The following AMMECR1 variants were observed in gnomAD, a reference collection of about 807,000 sequenced individuals.
AMMECR1 encodes AMMECR nuclear protein 1.
AMMECR1 carries 3 observed loss-of-function variants against 22.5 expected under a neutral mutation model. The observed-to-expected ratio is 0.13, with a 90% CI of 0.06 to 0.35. The LOEUF is 0.35. Ranked by LOEUF, AMMECR1 falls within the 10% of genes least tolerant of loss-of-function variation. The probability of loss-of-function intolerance (pLI) is 1.00; values close to 1 mark genes in which losing one functional copy is unlikely to be tolerated. For synonymous variants in AMMECR1, 130 were observed against 116.7 expected, an observed-to-expected ratio of 1.11 and a Z score of -0.74; for missense variants, 235 against 278.7, an observed-to-expected ratio of 0.84 and a Z score of 1.12.
chrX:110,301,939 G>A (rs1360131794), intron 1 of AMMECR1, among the ~76,000 whole-genome samples: 10 of 111,602 alleles, frequency 9.0e-5, no homozygotes, highest in Non-Finnish European at 1.9e-4. Flanking sequence ...AAAGAAGAAA[G>A]AAATAGTGCC....
intron 2 of AMMECR1, among the ~76,000 whole-genome samples, chrX:110,343,337 G>A (rs2068173101): frequency 9.0e-6 from 1 of 111,390 alleles, no homozygotes; most frequent in African/African-American, 3.3e-5. Context: ...TGGATGGGAC[G>A]TATCTCAAAA....
At chrX:110,410,692 A>G (rs1337677370) in intron 2 of AMMECR1, among the ~76,000 whole-genome samples, 2 of 111,730 alleles carry the variant, frequency 1.8e-5, no homozygotes, top group African/African-American at 6.5e-5. Context: ...TGGAGGGAGA[A>G]GGGAAACATT....
At chrX:110,204,715 T>C (rs1276404524) in intron 3 of AMMECR1, among the ~76,000 whole-genome samples, 1 of 111,730 alleles carries the variant, frequency 9.0e-6, no homozygotes, top group African/African-American at 3.2e-5. Flanking sequence ...ATTTAATAAT[T>C]AAAAGAAGTT....
rs774579440 is a variant in AMMECR1 at position 110,295,045 on chromosome X, G to C, written c.473+22554C>G. Among the ~76,000 whole-genome samples the C allele has an allele frequency of 1.8e-3, 202 of 110,401 alleles. 2 individuals are homozygous for C. The highest frequency in any genetic ancestry group is 6.4e-3 in the African/African-American group (194 of 30,461). On this transcript the variant is annotated intron_variant, in intron 1 of 5. Transcript: ENST00000262844. ...CTCTATTTTAAAAAAAAAAGACTCA[G>C]CAGTTTTATTGATGTGCCATAATTA...
At chrX:110,231,328 G>A (rs2067564855) in intron 2 of AMMECR1, among the ~76,000 whole-genome samples, 1 of 112,382 alleles carries the variant, frequency 8.9e-6, no homozygotes, top group African/African-American at 3.2e-5. Flanking sequence ...CAGCTGAAAC[G>A]CTACAAGACA....
chrX:110,240,444 G>C (rs2067625875), intron 2 of AMMECR1, among the ~76,000 whole-genome samples: 1 of 86,170 alleles, frequency 1.2e-5, no homozygotes, highest in Non-Finnish European at 2.3e-5. Context: ...TGATAAAACA[G>C]ACTTTAAACC....
chrX:110,355,173 A>G (rs1420499536), intron 2 of AMMECR1, among the ~76,000 whole-genome samples: 1 of 112,392 alleles, frequency 8.9e-6, no homozygotes, highest in African/African-American at 3.2e-5. Context: ...AACCTGATTA[A>G]AAAATGGGCA....
At chrX:110,396,810 G>T (rs1213183478) in intron 2 of AMMECR1, among the ~76,000 whole-genome samples, 6 of 112,098 alleles carry the variant, frequency 5.4e-5, no homozygotes, top group Non-Finnish European at 7.5e-5. Flanking sequence ...AGGGACTCGT[G>T]TCCTGGGGAC....
chrX:110,428,535 T>C (rs1041140240), intron 1 of AMMECR1, among the ~76,000 whole-genome samples: 1 of 111,673 alleles, frequency 9.0e-6, no homozygotes, highest in African/African-American at 3.3e-5. Flanking sequence ...CAGGCCCCCG[T>C]TGCTTTATTG....
chrX:110,336,708 A>G (rs1306758617), intron 2 of AMMECR1, among the ~76,000 whole-genome samples: 2 of 110,741 alleles, frequency 1.8e-5, no homozygotes, highest in African/African-American at 6.6e-5. Flanking sequence ...CAAAAAAAAA[A>G]AATCTAATAT....
At chrX:110,270,397 G>C (rs1482342128) in intron 1 of AMMECR1, among the ~76,000 whole-genome samples, 1 of 111,815 alleles carries the variant, frequency 8.9e-6, no homozygotes, top group Non-Finnish European at 1.9e-5. Context: ...CAGGCAGACA[G>C]TGCAGAATCA....
At chrX:110,233,400 C>A (rs113774785) in intron 2 of AMMECR1, among the ~76,000 whole-genome samples, 3,308 of 111,596 alleles carry the variant, frequency 0.03, 129 homozygotes, top group African/African-American at 0.1. Context: ...TTCTACCAGA[C>A]GTACAAAGAG....
intron 3 of AMMECR1, among the ~76,000 whole-genome samples, chrX:110,211,921 A>T (rs1000198968): frequency 4.5e-5 from 5 of 111,689 alleles, no homozygotes; most frequent in Non-Finnish European, 7.5e-5. Flanking sequence ...GGCTACCCAT[A>T]AACACTTATT....
chrX:110,281,535 G>C (rs2067852394), intron 1 of AMMECR1, among the ~76,000 whole-genome samples: 1 of 112,169 alleles, frequency 8.9e-6, no homozygotes, highest in African/African-American at 3.2e-5. Context: ...CTCCGAAGGT[G>C]CTTTATTCCT....
At chrX:110,429,146 A>G (rs1435286336) in intron 1 of AMMECR1, among the ~76,000 whole-genome samples, 1 of 112,147 alleles carries the variant, frequency 8.9e-6, no homozygotes, top group Admixed American at 9.4e-5. Flanking sequence ...AGTTTCTACC[A>G]CACAGCCTGA....
chrX:110,224,944 A>T (rs780065265), intron 2 of AMMECR1: 379 of 342,351 alleles, frequency 1.1e-3, no homozygotes, highest in Middle Eastern at 2.5e-3. Flanking sequence ...GTTTTTTTTT[A>T]AAATTAGTTT....
At chrX:110,200,513 G>A (rs767935512) in intron 5 of AMMECR1, among the ~76,000 whole-genome samples, 8 of 111,979 alleles carry the variant, frequency 7.1e-5, no homozygotes, top group Non-Finnish European at 1.3e-4. Flanking sequence ...TAGCATTTGA[G>A]TTTAGCTCAA....
chrX:110,434,417 T>C (rs892163554), intron 1 of AMMECR1, among the ~76,000 whole-genome samples: 1 of 111,105 alleles, frequency 9.0e-6, no homozygotes, highest in African/African-American at 3.3e-5. Context: ...TGGGAGACCA[T>C]CTCCAGGGTC....
At chrX:110,208,157 C>A (rs1227951851) in intron 3 of AMMECR1, among the ~76,000 whole-genome samples, 2 of 112,175 alleles carry the variant, frequency 1.8e-5, no homozygotes, top group Non-Finnish European at 3.8e-5. Flanking sequence ...TGTTTTTATA[C>A]ATTATCTGAC....
Sources: gnomAD v4.1 joint callset for allele counts (sites outside exome capture counted in the v4.1 genomes callset) on GRCh38, gnomAD v4.1.1 for gene constraint, MANE v1.5 for transcripts, NCBI Gene and HGNC (gene_info 2026-07-23, HGNC 2026-07-21) for gene names.